Variants in ERAP1 observed in about 807,000 individuals in gnomAD.
ERAP1 encodes adipocyte-derived leucine aminopeptidase.
ERAP1 carries 86 observed loss-of-function variants against 103.7 expected under a neutral mutation model. That is an observed-to-expected ratio of 0.83 (90% CI 0.70 to 0.99). The LOEUF (loss-of-function observed/expected upper bound fraction) is 0.99. ERAP1 is among the 50% of genes least tolerant of loss of function. The pLI is 0.00. For synonymous variants in ERAP1, 398 were observed against 402.4 expected (o/e 0.99, Z 0.13); for missense variants, 1,009 against 1,128.4 (o/e 0.89, Z 1.52).
At chr5:96,871,118 C>G in the ERAP1 span, among the ~76,000 whole-genome samples, 1 of 152,214 alleles carries the variant, frequency 6.6e-6, no homozygotes, top group Non-Finnish European at 1.5e-5. Flanking sequence ...TGGTATTCAT[C>G]CTATGAACTC....
the ERAP1 span, among the ~76,000 whole-genome samples, chr5:96,888,970 T>C: frequency 6.6e-6 from 1 of 152,188 alleles, no homozygotes; most frequent in Non-Finnish European, 1.5e-5. Flanking sequence ...AGGAAATGGA[T>C]TGTAACAGAA....
At chr5:96,903,391 C>A in the ERAP1 span, 1 of 1,612,186 alleles carries the variant, frequency 6.2e-7, no homozygotes. Context: ...TCTGGATCTA[C>A]CTGAAAAGAC....
exon 20 of ERAP1, chr5:96,761,267 T>C (rs1160037382): frequency 2.6e-5 from 4 of 152,252 alleles, no homozygotes; most frequent in Non-Finnish European, 5.9e-5. Flanking sequence ...TGTTTCAATG[T>C]CATTCTTTTC....
the ERAP1 span, among the ~76,000 whole-genome samples, chr5:96,922,150 T>G: frequency 1.3e-5 from 2 of 148,782 alleles, no homozygotes; most frequent in East Asian, 3.9e-4. Context: ...TACAAAAAAT[T>G]AGCCGGGCGC....
chr5:96,926,192 G>GAGCCACC, the ERAP1 span, among the ~76,000 whole-genome samples: 1 of 152,152 alleles, frequency 6.6e-6, no homozygotes, highest in South Asian at 2.1e-4. Context: ...TTACAGGCTT[G>GAGCCACC]AGCCACCATG....
chr5:96,770,374 C>T (rs898655435), downstream of ERAP1: 5 of 584,012 alleles, frequency 8.6e-6, no homozygotes, highest in Non-Finnish European at 1.6e-5. Flanking sequence ...TCTCTGACAC[C>T]GTTGTTCAAA....
the ERAP1 span, among the ~76,000 whole-genome samples, chr5:96,916,081 T>C: frequency 6.6e-6 from 1 of 151,858 alleles, no homozygotes; most frequent in Non-Finnish European, 1.5e-5. Flanking sequence ...ATTAGCAGAA[T>C]GTGGTGGCAC....
In ERAP1 at chr5:96,803,447, G is replaced by A. The variant is rs763382968; in HGVS notation, c.480C>T (p.His160=). 202 of 1,612,596 alleles carry A rather than the reference G, an allele frequency of 1.3e-4. No homozygotes were observed. Among genetic ancestry groups the A allele is most frequent in the Non-Finnish European group, 1.7e-4 (198 of 1,179,722 alleles). The part of the protein sequence containing the change: ...HYAGNLSETF[H]GFYKSTYRTK... ...TTCTGTAGGTGCTTTTGTAAAATCC[G>A]TGGAAAGTCTCCGAAAGATTGCCAG... is the stretch of plus-strand genomic sequence containing the variant. The change falls in exon 2 of 19, where the codon CAC becomes CAT. Residue 160 remains histidine, a synonymous_variant. Transcript: ENST00000443439.
At chr5:96,898,375 T>C in the ERAP1 span, among the ~76,000 whole-genome samples, 1 of 151,922 alleles carries the variant, frequency 6.6e-6, no homozygotes, top group Non-Finnish European at 1.5e-5. Context: ...AAAAATTATT[T>C]CACAGCTCCT....
At chr5:96,927,565 C>A in the ERAP1 span, among the ~76,000 whole-genome samples, 1 of 152,042 alleles carries the variant, frequency 6.6e-6, no homozygotes, top group Non-Finnish European at 1.5e-5. Flanking sequence ...CGGCTCACTG[C>A]AAGCTCCGCC....
the ERAP1 span, among the ~76,000 whole-genome samples, chr5:96,843,032 T>C: frequency 2.6e-5 from 4 of 152,190 alleles, no homozygotes; most frequent in Non-Finnish European, 5.9e-5. Context: ...GATAACATCT[T>C]AATGTTACCA....
At chr5:96,769,724 T>TATCTCTGTTTCCTCCTCCTGTTCCCTAC (rs1771537115), downstream of ERAP1, 1 of 151,944 alleles carries the variant, frequency 6.6e-6, no homozygotes, top group African/African-American at 2.4e-5. Flanking sequence ...CTTTGACCTA[T>TATCTCTGTTTCCTCCTCCTGTTCCCTAC]ATCTCTGTTT....
At chr5:96,915,563 G>A in the ERAP1 span, 37 of 443,740 alleles carry the variant, frequency 8.3e-5, no homozygotes, top group Admixed American at 2.6e-4. Flanking sequence ...GTAATTCACC[G>A]TATCTATTGT....
chr5:96,879,958 T>G, the ERAP1 span: 1 of 1,614,216 alleles, frequency 6.2e-7, no homozygotes, highest in Non-Finnish European at 8.5e-7. Context: ...CTCTGGACTT[T>G]GTTGCATCTG....
chr5:96,875,702 G>C, the ERAP1 span, among the ~76,000 whole-genome samples: 1 of 152,256 alleles, frequency 6.6e-6, no homozygotes, highest in African/African-American at 2.4e-5. Flanking sequence ...AACACTATTT[G>C]AGTTGTCAGG....
the ERAP1 span, among the ~76,000 whole-genome samples, chr5:96,912,045 C>CCGGGCGCGGTGG: frequency 1.7e-4 from 26 of 150,978 alleles, no homozygotes; most frequent in African/African-American, 6.1e-4. Context: ...AAAAAATTAG[C>CCGGGCGCGGTGG]CGGGCGCGGT....
chr5:96,777,122 T>TC (rs952787496), intron 18 of ERAP1, among the ~76,000 whole-genome samples: 19 of 152,170 alleles, frequency 1.2e-4, no homozygotes, highest in Admixed American at 1.1e-3. Flanking sequence ...CACATAAAGT[T>TC]CCCCATGATT....
the ERAP1 span, among the ~76,000 whole-genome samples, chr5:96,859,165 C>T: frequency 1.5e-4 from 23 of 151,764 alleles, no homozygotes; most frequent in African/African-American, 5.6e-4. Flanking sequence ...ACAAGGCCTT[C>T]GTTTGTTAGT....
At chr5:96,905,988 A>G in the ERAP1 span, among the ~76,000 whole-genome samples, 1 of 144,448 alleles carries the variant, frequency 6.9e-6, no homozygotes, top group Non-Finnish European at 1.5e-5. Context: ...TATATTGTAC[A>G]GGCTGATATT....
Sources: gnomAD v4.1 joint callset for allele counts (sites outside exome capture counted in the v4.1 genomes callset) on GRCh38, gnomAD v4.1.1 for gene constraint, MANE v1.5 for transcripts, NCBI Gene and HGNC (gene_info 2026-07-23, HGNC 2026-07-21) for gene names.